The following PIP4P2 variants were observed in gnomAD, a reference collection of about 807,000 sequenced individuals.
PIP4P2 encodes the protein phosphatidylinositol-4,5-bisphosphate 4-phosphatase 2, also known as type 2 phosphatidylinositol 4,5-bisphosphate 4-phosphatase.
Under a neutral mutation model 33.3 loss-of-function variants are expected in PIP4P2, and 19 were observed. The observed-to-expected ratio is 0.57, with a 90% confidence interval of 0.40 to 0.84. The LOEUF (loss-of-function observed/expected upper bound fraction) is 0.84. Among genes scored for constraint, PIP4P2 ranks in the 40% least tolerant of loss-of-function variants. PIP4P2 has a pLI of 0.00. For synonymous variants in PIP4P2, 110 were observed against 111.9 expected (o/e 0.98, Z 0.11); for missense variants, 270 against 324.7 (o/e 0.83, Z 1.29).
chr8:91,008,395 T>A (rs1260796811), intron 5 of PIP4P2, among the ~76,000 whole-genome samples: 1 of 152,118 alleles, frequency 6.6e-6, no homozygotes, highest in Non-Finnish European at 1.5e-5. Context: ...CCAGAACAAT[T>A]TGAGTTTTCT....
At chr8:91,017,289 C>T (rs1361931887) in intron 4 of PIP4P2, among the ~76,000 whole-genome samples, 4 of 152,080 alleles carry the variant, frequency 2.6e-5, no homozygotes, top group Admixed American at 6.6e-5. Flanking sequence ...ATCCCAGCTA[C>T]TTGGGAGGCT....
At chr8:91,017,474 T>C (rs1811933317) in intron 4 of PIP4P2, among the ~76,000 whole-genome samples, 1 of 152,048 alleles carries the variant, frequency 6.6e-6, no homozygotes, top group Admixed American at 6.6e-5. Context: ...ATCAATAAAG[T>C]AGCTGAAAGA....
At chr8:91,038,685 T>A (rs1052212100) in intron 1 of PIP4P2, among the ~76,000 whole-genome samples, 1 of 152,206 alleles carries the variant, frequency 6.6e-6, no homozygotes, top group East Asian at 1.9e-4. Context: ...TTTATTACAA[T>A]GTTTGTTACT....
At chr8:91,032,938 T>C (rs922550417) in intron 1 of PIP4P2, among the ~76,000 whole-genome samples, 8 of 152,172 alleles carry the variant, frequency 5.3e-5, no homozygotes, top group Admixed American at 4.6e-4. Context: ...TGAACATCCC[T>C]CCTGTTAACT....
intron 1 of PIP4P2, among the ~76,000 whole-genome samples, chr8:91,026,879 T>A (rs1392683433): frequency 6.6e-6 from 1 of 152,154 alleles, no homozygotes; most frequent in African/African-American, 2.4e-5. Flanking sequence ...CAGTAGTTGA[T>A]TGTGATGTTT....
chr8:91,030,306 G>T lies in PIP4P2; in HGVS notation c.107-8902C>A, dbSNP rs367675164. Among the ~76,000 whole-genome samples, 8 of 152,020 alleles carry T rather than the reference G, an allele frequency of 5.3e-5. No homozygotes were observed. In the East Asian group the frequency reaches 7.8e-4, roughly 15 times the overall value. ...AATGAGTATGGTCTTAGGGAAAAGTGTATAGATAGTAATAGATCTTCCATC... is the reference window on the plus strand; with the variant it reads ...AATGAGTATGGTCTTAGGGAAAAGTTTATAGATAGTAATAGATCTTCCATC... On this transcript the variant is annotated intron_variant, in intron 1 of 6. Coordinates refer to ENST00000285419, the MANE Select transcript of PIP4P2 (RefSeq NM_018710.3).
chr8:91,011,579 A>G (rs1811837956), intron 4 of PIP4P2, among the ~76,000 whole-genome samples: 1 of 152,202 alleles, frequency 6.6e-6, no homozygotes, highest in Non-Finnish European at 1.5e-5. Context: ...CTGCTAAAGA[A>G]TATCCTATTT....
intron 5 of PIP4P2, among the ~76,000 whole-genome samples, chr8:91,006,470 A>G (rs1209865295): frequency 6.6e-6 from 1 of 152,234 alleles, no homozygotes; most frequent in Non-Finnish European, 1.5e-5. Flanking sequence ...CTTCCTTATT[A>G]GTAGTAAAAA....
At chr8:91,008,697 T>C in intron 5 of PIP4P2, 46 bp downstream of exon 5, 1 of 1,568,536 alleles carries the variant, frequency 6.4e-7, no homozygotes, top group Non-Finnish European at 8.8e-7. Flanking sequence ...TCTTCAAATT[T>C]GTCTCAAGTA....
At position 91,005,635 on chromosome 8, in the gene PIP4P2, A is replaced by G. The variant is rs1811753656; in HGVS notation, c.539+3108T>C. Among the ~76,000 whole-genome samples the G allele has an allele frequency of 2.0e-5, 3 of 152,234 alleles. No homozygotes were observed. The South Asian group carries it at 6.2e-4, about 32-fold the overall frequency. ...TAGCACAGAATTGTTTGTTGAATTA[A>G]TGAATAATTATAAAATATAACACTA... On this transcript the variant is annotated intron_variant, in intron 5 of 6. Coordinates refer to ENST00000285419, the MANE Select transcript of PIP4P2 (RefSeq NM_018710.3).
intron 4 of PIP4P2, among the ~76,000 whole-genome samples, chr8:91,012,385 G>A (rs957247834): frequency 2.6e-5 from 4 of 151,948 alleles, no homozygotes; most frequent in Non-Finnish European, 4.4e-5. Flanking sequence ...ATAATTAACA[G>A]TGTGAAGGGC....
intron 5 of PIP4P2, among the ~76,000 whole-genome samples, chr8:90,999,372 T>C (rs1378502064): frequency 6.6e-6 from 1 of 152,074 alleles, no homozygotes; most frequent in Admixed American, 6.6e-5. Context: ...TAAAGGTAAA[T>C]GTACAGCCTA....
chr8:91,035,947 G>C (rs1812226739), intron 1 of PIP4P2, among the ~76,000 whole-genome samples: 1 of 151,948 alleles, frequency 6.6e-6, no homozygotes, highest in Non-Finnish European at 1.5e-5. Flanking sequence ...GAGAGGTCAA[G>C]ACTGCAGTGA....
At chr8:91,009,047 G>A (rs1811797407) in intron 4 of PIP4P2, among the ~76,000 whole-genome samples, 1 of 152,020 alleles carries the variant, frequency 6.6e-6, no homozygotes, top group African/African-American at 2.4e-5. Context: ...CATGAATACT[G>A]AATGTAATAC....
At chr8:91,009,753 A>G (rs1282237814) in intron 4 of PIP4P2, among the ~76,000 whole-genome samples, 2 of 151,912 alleles carry the variant, frequency 1.3e-5, no homozygotes, top group Non-Finnish European at 2.9e-5. Context: ...AAAATATCTG[A>G]TGCATACTTT....
At chr8:91,039,446 A>G (rs956996529) in intron 1 of PIP4P2, among the ~76,000 whole-genome samples, 3 of 152,220 alleles carry the variant, frequency 2.0e-5, no homozygotes, top group African/African-American at 7.2e-5. Context: ...AGATCTAGAT[A>G]GTTTATTTTG....
At chr8:91,014,009 C>T (rs1811875079) in intron 4 of PIP4P2, among the ~76,000 whole-genome samples, 1 of 152,112 alleles carries the variant, frequency 6.6e-6, no homozygotes, top group Non-Finnish European at 1.5e-5. Context: ...TGAATAAATG[C>T]ATGCATTTCC....
At chr8:91,018,709 G>A (rs1396714839) in intron 3 of PIP4P2, 196 bp from the exon 4 acceptor site, 3 of 645,708 alleles carry the variant, frequency 4.6e-6, no homozygotes, top group Non-Finnish European at 7.7e-6. Flanking sequence ...CTGTACTTGG[G>A]ATAGAAACAA....
intron 1 of PIP4P2, among the ~76,000 whole-genome samples, chr8:91,039,962 A>G (rs2130388141): frequency 6.6e-6 from 1 of 152,306 alleles, no homozygotes; most frequent in South Asian, 2.1e-4. Context: ...TCACCCAGAT[A>G]TGTGTTAAAA....
Sources: allele counts gnomAD v4.1 joint callset (sites outside exome capture counted in the v4.1 genomes callset), GRCh38; gene constraint gnomAD v4.1.1; transcripts MANE v1.5; gene names NCBI Gene and HGNC (gene_info 2026-07-23, HGNC 2026-07-21).